TCAF1: variants seen among roughly 807,000 people sequenced by gnomAD.
TCAF1 encodes TRPM8 channel-associated factor 1.
Under a neutral mutation model 27.3 loss-of-function variants are expected in TCAF1, and 4 were observed. The observed-to-expected ratio is 0.15, with a 90% CI of 0.07 to 0.34. TCAF1 has a LOEUF of 0.34. Among genes scored for constraint, TCAF1 ranks in the 10% least tolerant of loss-of-function variants. TCAF1 has a pLI of 1.00. For synonymous variants in TCAF1, 105 were observed against 167.1 expected, an observed-to-expected ratio of 0.63 and a Z score of 2.87; for missense variants, 257 against 425.8, an observed-to-expected ratio of 0.60 and a Z score of 3.49.
rs373767341 is a variant in TCAF1 at position 143,876,217 on chromosome 7, T to C, written c.392A>G (p.Asn131Ser). 23 of 1,614,092 alleles carry C rather than the reference T, an allele frequency of 1.4e-5. No individual in the cohort carries two copies. The highest frequency in any genetic ancestry group is 1.6e-4 in the Middle Eastern group (1 of 6,084). ...SLGVYCIDAYNETMTEKLVKF... is the reference protein window; with the variant it reads ...SLGVYCIDAYSETMTEKLVKF... ...GACCAGCTTTTCTGTCATGGTTTCA[T>C]TGTAGGCATCAATACAGTAAACCCC... is the stretch of plus-strand genomic sequence containing the variant. Residue 131 changes from asparagine to serine, a missense_variant, in exon 2 of 9, where the codon AAT (asparagine) becomes AGT (serine). Asn to Ser is a conservative substitution (Grantham distance 46). Around this residue, in one of 2 missense-constraint regions of TCAF1, gnomAD observed 255 missense variants for 260.1 expected, o/e 0.98. Coordinates refer to ENST00000479870, the MANE Select transcript of TCAF1 (RefSeq NM_014719.3).
intron 1 of TCAF1, chr7:143,885,434 C>A: frequency 1.0e-6 from 1 of 985,450 alleles, no homozygotes; most frequent in Non-Finnish European, 1.2e-6. Flanking sequence ...TTGGCCGCCG[C>A]CCCCGGACCG....
intron 1 of TCAF1, among the ~76,000 whole-genome samples, chr7:143,880,315 C>A (rs1812946961): frequency 6.6e-6 from 1 of 152,162 alleles, no homozygotes; most frequent in East Asian, 1.9e-4. Context: ...CAAAATCACA[C>A]AGGTGCTAAG....
intron 1 of TCAF1, chr7:143,885,067 T>G: frequency 9.1e-6 from 9 of 985,286 alleles, no homozygotes; most frequent in Non-Finnish European, 9.6e-6. Context: ...TGCGCCCCCC[T>G]CGGCCGCGCT....
intron 6 of TCAF1, 26 bp downstream of exon 6, chr7:143,860,180 GCA>G: frequency 4.4e-6 from 1 of 226,526 alleles, no homozygotes; most frequent in South Asian, 3.1e-5. Context: ...GAGGCAGCAT[GCA>G]CAGAGGGTTT....
chr7:143,892,551 G>A (rs1813690366), intron 1 of TCAF1, among the ~76,000 whole-genome samples: 1 of 145,024 alleles, frequency 6.9e-6, no homozygotes, highest in Non-Finnish European at 1.5e-5. Flanking sequence ...TTTTTTTGGA[G>A]AAGGAGTGTC....
In TCAF1 at chr7:143,859,857, T is replaced by TTATATACATATATATATA. The variant is rs1409408077; in HGVS notation, c.2167+350_2167+351insTATATATATATGTATATA. 8.9e-4 allele frequency among the ~76,000 whole-genome samples: 63 copies of TTATATACATATATATATA among 70,768 alleles called. 4 individuals carry two copies. Among genetic ancestry groups the TTATATACATATATATATA allele is most frequent in the African/African-American group, 3.3e-3 (62 of 18,940 alleles). 46.4% of individuals were successfully genotyped at this position (70,768 alleles called of 152,430 possible). A position where few individuals can be genotyped will look rare whatever the true frequency, so the allele number is the denominator to read the frequency against. On this transcript the variant is annotated intron_variant, in intron 6 of 8. Transcript: ENST00000479870. ...CCTTGACATGCTGACCTAAACTGTTTTATATACACATATACATATATACAT... is the reference window on the plus strand; with the variant it reads ...CCTTGACATGCTGACCTAAACTGTTTTATATACATATATATATATATATACACATATACATATATACAT...
At chr7:143,869,143 C>T (rs1385691603) in intron 2 of TCAF1, among the ~76,000 whole-genome samples, 108 of 144,940 alleles carry the variant, frequency 7.5e-4, no homozygotes, top group East Asian at 7.0e-3. Flanking sequence ...GCTCGGACTA[C>T]AGGCACACAA....
chr7:143,886,408 C>A, intron 1 of TCAF1: 1 of 663,074 alleles, frequency 1.5e-6, no homozygotes, highest in Non-Finnish European at 1.9e-6. Context: ...CAGGGTACGA[C>A]ATCCCATATA....
intron 1 of TCAF1, among the ~76,000 whole-genome samples, chr7:143,901,413 G>C (rs912168221): frequency 2.0e-5 from 3 of 152,124 alleles, no homozygotes; most frequent in Non-Finnish European, 4.4e-5. Context: ...GCCAGCTCTC[G>C]GCTGTTTACC....
intron 6 of TCAF1, among the ~76,000 whole-genome samples, chr7:143,859,924 AT>A (rs1482636961): frequency 1.3e-4 from 10 of 76,644 alleles, no homozygotes; most frequent in Non-Finnish European, 1.9e-4. Context: ...CGGAATATAT[AT>A]TATATAATAT....
chr7:143,892,926 G>A (rs1230871678), intron 1 of TCAF1, among the ~76,000 whole-genome samples: 1 of 152,150 alleles, frequency 6.6e-6, no homozygotes. Context: ...AATGTTTGTT[G>A]TTTAACCACC....
chr7:143,885,166 C>T (rs1813331606), intron 1 of TCAF1: 5 of 985,500 alleles, frequency 5.1e-6, no homozygotes, highest in Non-Finnish European at 6.0e-6. Flanking sequence ...TCCGTGTGCC[C>T]GGGCCTGGTC....
chr7:143,883,396 T>C (rs1260794783), intron 1 of TCAF1, among the ~76,000 whole-genome samples: 1 of 152,162 alleles, frequency 6.6e-6, no homozygotes, highest in Admixed American at 6.5e-5. Flanking sequence ...TGCAGTTACG[T>C]GTCTTACTTT....
chr7:143,859,916 G>GTAATATATATATATAT (rs1811822783), intron 6 of TCAF1, among the ~76,000 whole-genome samples: 1 of 32,362 alleles, frequency 3.1e-5, no homozygotes, highest in African/African-American at 1.5e-4. Flanking sequence ...ATATATTACG[G>GTAATATATATATATAT]AATATATATT....
At position 143,881,801 on chromosome 7, in the gene TCAF1, A is replaced by G. The variant is rs186491505; in HGVS notation, c.-14-5179T>C. On this transcript the variant is annotated intron_variant, in intron 1 of 8. Coordinates refer to ENST00000479870, the MANE Select transcript of TCAF1 (RefSeq NM_014719.3). ...TACCGAACTGCCTTCTTAATTCTCA[A>G]GTTCCCCAGAGGCTCTGTCTTTCTC... 20 of 152,242 alleles carry G rather than the reference A, an allele frequency of 1.3e-4. No individual in the cohort carries two copies. The East Asian group carries it at 3.9e-3, about 30-fold the overall frequency. 9.4% of individuals were successfully genotyped at this position (152,242 alleles called of 1,614,324 possible).
intron 2 of TCAF1, 90 bp downstream of exon 2, chr7:143,875,899 T>A: frequency 8.2e-7 from 1 of 1,224,764 alleles, no homozygotes; most frequent in Non-Finnish European, 1.1e-6. Flanking sequence ...CTGGGAGCAC[T>A]CTTCTGTTAG....
In TCAF1 at chr7:143,871,206, C is replaced by G. The variant is rs370822022; in HGVS notation, c.620+4783G>C. On this transcript the variant is annotated intron_variant, in intron 2 of 8. Transcript: ENST00000479870. ...CATTCCTTGAGGAAATGGCTGAATC[C>G]AGGTTTTGAACCAGAAAAGTAAAAG... Among the ~76,000 whole-genome samples the G allele has an allele frequency of 1.1e-4, 9 of 84,976 alleles. No individual in the cohort carries two copies. The East Asian group carries it at 2.2e-3, about 21-fold the overall frequency. 55.7% of individuals were successfully genotyped at this position (84,976 alleles called of 152,430 possible).
intron 1 of TCAF1, among the ~76,000 whole-genome samples, chr7:143,886,959 C>A (rs187323657): frequency 6.6e-6 from 1 of 151,016 alleles, no homozygotes; most frequent in African/African-American, 2.4e-5. Context: ...CTCCTGCTTC[C>A]GCTCCCAAAG....
Position 143,876,532 on chromosome 7 carries a change from G to A in TCAF1, c.77C>T (p.Pro26Leu), listed in dbSNP as rs768894851. Residue 26 changes from proline (P) to leucine (L), a missense_variant, in exon 2 of 9, where the codon CCA becomes CTA. By Grantham distance (98) the Pro-to-Leu change is moderately conservative. Transcript: ENST00000479870. The stretch of plus-strand genomic sequence containing the variant: ...CTCTCCAATAAGAAGCAGTTCACAT[G>A]GAACAGCATCTTCGGGTACATCCCA... ...TSWDVPEDAVPCELLLIGEAS... is the reference protein window; with the variant it reads ...TSWDVPEDAVLCELLLIGEAS... 2 of 1,555,220 alleles carry A rather than the reference G, an allele frequency of 1.3e-6. No individual in the cohort carries two copies. The highest frequency in any genetic ancestry group is 1.7e-6 in the Non-Finnish European group (2 of 1,156,230).
Sources: allele counts gnomAD v4.1 joint callset (sites outside exome capture counted in the v4.1 genomes callset), GRCh38; gene constraint gnomAD v4.1.1; regional missense constraint gnomAD v4.1.1; transcripts MANE v1.5; gene names NCBI Gene and HGNC (gene_info 2026-07-23, HGNC 2026-07-21).